EIF2AK4: variants seen among roughly 807,000 people sequenced by gnomAD.
EIF2AK4 encodes eukaryotic translation initiation factor 2 alpha kinase 4, also known as eIF-2-alpha kinase GCN2.
Under a neutral mutation model 211.1 loss-of-function variants are expected in EIF2AK4, and 139 were observed. The ratio of observed to expected loss-of-function variants is 0.66; its 90% CI spans 0.57 to 0.76. EIF2AK4 has a LOEUF of 0.76. Among genes scored for constraint, EIF2AK4 ranks in the 30% least tolerant of loss-of-function variants. The pLI is 0.00. For synonymous variants in EIF2AK4, 710 were observed against 751.3 expected (o/e 0.94, Z 0.90); for missense variants, 1,664 against 2,043.8 (o/e 0.81, Z 3.58).
intron 29 of EIF2AK4, among the ~76,000 whole-genome samples, 181 bp from the exon 30 acceptor site, chr15:40,018,912 A>G (rs1372514625): frequency 1.3e-5 from 2 of 152,220 alleles, no homozygotes; most frequent in Non-Finnish European, 2.9e-5. Flanking sequence ...ACATTTGTTA[A>G]TATTTTTTCT....
Position 40,016,587 on chromosome 15 carries a change from C to T in EIF2AK4, c.3845C>T (p.Thr1282Ile), listed in dbSNP as rs773585412. The change falls in exon 28 of 39, where the codon ACA becomes ATA. Residue 1282 changes from threonine to isoleucine, a missense_variant. Thr to Ile is a moderately conservative substitution (Grantham distance 89, BLOSUM62 -1). This residue lies in a region of EIF2AK4 where 622 missense variants were observed against 796.8 expected (regional missense o/e 0.78). Transcript: ENST00000263791. ...ATAAATTCATTAATAAAACAGAAAA[C>T]AGGTATTGCACAGTTGGTGAAGTAT... is the stretch of plus-strand genomic sequence containing the variant. ...PTINSLIKQK[T>I]GIAQLVKYGL... 6.2e-7 allele frequency: 1 copy of T among 1,613,974 alleles called. No individual in the cohort carries two copies. The highest frequency in any genetic ancestry group is 1.3e-5 in the African/African-American group (1 of 74,872).
At chr15:39,934,426 C>A in intron 1 of EIF2AK4, 87 bp downstream of exon 1, 1 of 1,485,870 alleles carries the variant, frequency 6.7e-7, no homozygotes, top group Non-Finnish European at 9.0e-7. Flanking sequence ...CAGATTGGGC[C>A]GCCGCTTTAG....
chr15:39,975,783 T>C (rs1002845458), intron 11 of EIF2AK4, among the ~76,000 whole-genome samples: 1 of 152,248 alleles, frequency 6.6e-6, no homozygotes, highest in African/African-American at 2.4e-5. Context: ...ATTGCTGTTA[T>C]TGACTAAGCT....
intron 20 of EIF2AK4, among the ~76,000 whole-genome samples, chr15:39,999,687 G>A (rs1271717198): frequency 6.6e-6 from 1 of 152,104 alleles, no homozygotes; most frequent in Non-Finnish European, 1.5e-5. Context: ...GTTATTTATG[G>A]CTGTAGGGAC....
chr15:39,981,244 C>T (rs1271643166), intron 13 of EIF2AK4, among the ~76,000 whole-genome samples: 4 of 151,978 alleles, frequency 2.6e-5, no homozygotes, highest in African/African-American at 4.8e-5. Context: ...GTGGCGGGCA[C>T]CTGTAATCCC....
chr15:39,985,747 A>T, intron 13 of EIF2AK4, 58 bp from the exon 14 acceptor site: 1 of 1,552,232 alleles, frequency 6.4e-7, no homozygotes, highest in East Asian at 2.3e-5. Flanking sequence ...AATGATGGTG[A>T]TGATTTTGCT....
chr15:40,032,778 A>G lies in EIF2AK4; in HGVS notation c.4750A>G (p.Ile1584Val). 8 of 1,613,686 alleles carry G rather than the reference A, an allele frequency of 5.0e-6. No individual in the cohort carries two copies. Among genetic ancestry groups the G allele is most frequent in the Non-Finnish European group, 5.9e-6 (7 of 1,179,862 alleles). ...ILAVDLPKET[I>V]LQFLSLEWDA... ...ACAGGTGGATCTACCCAAAGAAACA[A>G]TATTACAGTTTTTATCATTAGAGGT... Residue 1584 changes from isoleucine (I) to valine (V), a missense_variant, in exon 37 of 39, where the codon ATA (isoleucine) becomes GTA (valine). By Grantham distance (29) the Ile-to-Val change is conservative (BLOSUM62 3). Coordinates refer to ENST00000263791, the MANE Select transcript of EIF2AK4 (RefSeq NM_001013703.4).
At position 40,034,457 on chromosome 15, in the gene EIF2AK4, T is replaced by C. The variant is rs370607933; in HGVS notation, c.4892+13T>C. Reference sequence around the variant, plus strand: ...AAGTAGAAAAAAAGTAAGTTATCACTTGGGCATAGCAGGGTTCACATGGTT... The same window carrying C: ...AAGTAGAAAAAAAGTAAGTTATCACCTGGGCATAGCAGGGTTCACATGGTT... On this transcript the variant is annotated intron_variant, in intron 38 of 38. Coordinates refer to ENST00000263791, the MANE Select transcript of EIF2AK4 (RefSeq NM_001013703.4). 1.6e-5 allele frequency: 25 copies of C among 1,597,382 alleles called. No individual in the cohort carries two copies. In the African/African-American group the frequency reaches 3.0e-4, roughly 19 times the overall value.
chr15:40,018,527 G>T (rs570927522), intron 29 of EIF2AK4, among the ~76,000 whole-genome samples: 2 of 151,118 alleles, frequency 1.3e-5, no homozygotes, highest in Admixed American at 6.6e-5. Flanking sequence ...GGACATTTTT[G>T]TCCAGGCTGA....
At chr15:39,956,004 CTTT>C (rs11320320) in intron 6 of EIF2AK4, among the ~76,000 whole-genome samples, 8 of 103,496 alleles carry the variant, frequency 7.7e-5, no homozygotes, top group Non-Finnish European at 1.1e-4. Context: ...TGCTCATTCC[CTTT>C]TTTTTTTTTT....
intron 3 of EIF2AK4, among the ~76,000 whole-genome samples, chr15:39,945,997 C>T (rs531967776): frequency 5.3e-5 from 8 of 152,274 alleles, no homozygotes; most frequent in Admixed American, 1.3e-4. Flanking sequence ...TCATTGACAG[C>T]GCACCTAGTC....
At chr15:39,951,884 G>A (rs1330669909) in intron 4 of EIF2AK4, among the ~76,000 whole-genome samples, 1 of 152,172 alleles carries the variant, frequency 6.6e-6, no homozygotes, top group Non-Finnish European at 1.5e-5. Flanking sequence ...GGCTGCAAAC[G>A]CAATTCTCAA....
chr15:39,994,631 T>G (rs2034995170), intron 18 of EIF2AK4, among the ~76,000 whole-genome samples: 1 of 152,066 alleles, frequency 6.6e-6, no homozygotes, highest in Non-Finnish European at 1.5e-5. Flanking sequence ...ATGTGTAAAA[T>G]AAAATACATT....
chr15:39,984,480 A>G (rs537160894), intron 13 of EIF2AK4, among the ~76,000 whole-genome samples: 81 of 152,256 alleles, frequency 5.3e-4, no homozygotes, highest in Non-Finnish European at 9.3e-4. Flanking sequence ...CTTCCTATCC[A>G]TGAGCATGGA....
At chr15:39,944,562 G>C (rs901973533) in intron 3 of EIF2AK4, among the ~76,000 whole-genome samples, 1 of 150,438 alleles carries the variant, frequency 6.6e-6, no homozygotes, top group African/African-American at 2.5e-5. Context: ...CTCCCGAGTA[G>C]CTGGGACTAC....
rs1196910113 is a variant in EIF2AK4 at position 40,003,182 on chromosome 15, A to T, written c.3236-11A>T. ...ACCTGATGATGAGCTATTTTTTCTC[A>T]TTTGGTGTAGGAGCTGTTCAGTTGT... On this transcript the variant is annotated splice_polypyrimidine_tract_variant and intron_variant, in intron 22 of 38. Coordinates refer to ENST00000263791, the MANE Select transcript of EIF2AK4 (RefSeq NM_001013703.4). 4 of 1,610,674 alleles carry T rather than the reference A, an allele frequency of 2.5e-6. No homozygotes were observed. Among genetic ancestry groups the T allele is most frequent in the African/African-American group, 1.3e-5 (1 of 74,756 alleles).
intron 32 of EIF2AK4, 57 bp downstream of exon 32, chr15:40,022,662 C>A: frequency 2.6e-6 from 4 of 1,511,012 alleles, no homozygotes; most frequent in Non-Finnish European, 3.7e-6. Flanking sequence ...TGTGGAGCAC[C>A]TGCCTTCACA....
chr15:40,021,139 T>C, intron 31 of EIF2AK4, 112 bp downstream of exon 31: 1 of 1,258,030 alleles, frequency 7.9e-7, no homozygotes, highest in Non-Finnish European at 1.1e-6. Context: ...TAATTCGAGT[T>C]GCCTCCTGTG....
In EIF2AK4 at chr15:39,985,745, T is replaced by C; in HGVS notation, c.2320-60T>C. ...GGTGGGCACAAATACTTAATGATGG[T>C]GATGATTTTGCTTAATTTTGGCCTC... On this transcript the variant is annotated intron_variant, in intron 13 of 38. Coordinates refer to ENST00000263791, the MANE Select transcript of EIF2AK4 (RefSeq NM_001013703.4). The C allele has an allele frequency of 4.6e-6, 7 of 1,535,578 alleles. No homozygotes were observed. In the South Asian group the frequency reaches 8.0e-5, roughly 17 times the overall value.
Sources: allele counts gnomAD v4.1 joint callset (sites outside exome capture counted in the v4.1 genomes callset), GRCh38; gene constraint gnomAD v4.1.1; regional missense constraint gnomAD v4.1.1; transcripts MANE v1.5; gene names NCBI Gene and HGNC (gene_info 2026-07-23, HGNC 2026-07-21).